The following ABCC4 variants were observed in gnomAD, a reference collection of about 807,000 sequenced individuals.
ABCC4 encodes the protein ATP binding cassette subfamily C member 4 (PEL blood group), also known as ATP-binding cassette sub-family C member 4.
Under a neutral mutation model 168.5 loss-of-function variants are expected in ABCC4, and 102 were observed. The observed-to-expected ratio is 0.61, with a 90% CI of 0.52 to 0.71. The LOEUF (loss-of-function observed/expected upper bound fraction) is 0.71. ABCC4 is among the 30% of genes least tolerant of loss of function. The pLI, the probability that ABCC4 is intolerant of heterozygous loss-of-function variation, is 0.00. For synonymous variants in ABCC4, 617 were observed against 590.7 expected, an observed-to-expected ratio of 1.04 and a Z score of -0.65; for missense variants, 1,402 against 1,605.8, an observed-to-expected ratio of 0.87 and a Z score of 2.17.
At chr13:95,098,774 A>G (rs2034696546) in intron 20 of ABCC4, among the ~76,000 whole-genome samples, 1 of 152,206 alleles carries the variant, frequency 6.6e-6, no homozygotes, top group Non-Finnish European at 1.5e-5. Flanking sequence ...TGAATGGCCA[A>G]TTAGCCTGTA....
chr13:95,085,174 C>T (rs2034217090), intron 20 of ABCC4, among the ~76,000 whole-genome samples: 1 of 152,086 alleles, frequency 6.6e-6, no homozygotes. Flanking sequence ...TGTGGTGGCT[C>T]ACACCTGTAA....
At chr13:95,148,029 AT>A (rs1003048439) in intron 19 of ABCC4, among the ~76,000 whole-genome samples, 1 of 152,048 alleles carries the variant, frequency 6.6e-6, no homozygotes, top group Non-Finnish European at 1.5e-5. Context: ...TCATTTATCT[AT>A]TTTTCTTTGC....
At chr13:95,148,591 AACACACACACACACACACAC>A (rs55998383) in intron 19 of ABCC4, among the ~76,000 whole-genome samples, 44 of 129,706 alleles carry the variant, frequency 3.4e-4, no homozygotes, top group Non-Finnish European at 5.6e-4. Flanking sequence ...TACCCATCAC[AACACACACACACACACACAC>A]ACACACACAC....
intron 21 of ABCC4, among the ~76,000 whole-genome samples, chr13:95,080,071 T>G (rs1221192028): frequency 3.9e-5 from 6 of 152,160 alleles, no homozygotes; most frequent in Admixed American, 1.3e-4. Context: ...TAATCTTACT[T>G]AGCTAATATC....
At chr13:95,143,471 C>A (rs2036386618) in intron 19 of ABCC4, among the ~76,000 whole-genome samples, 1 of 152,166 alleles carries the variant, frequency 6.6e-6, no homozygotes, top group African/African-American at 2.4e-5. Context: ...GTTAACAGGA[C>A]TTCTAATTTG....
intron 1 of ABCC4, among the ~76,000 whole-genome samples, chr13:95,249,982 T>C (rs2040212790): frequency 6.6e-6 from 1 of 152,124 alleles, no homozygotes; most frequent in Non-Finnish European, 1.5e-5. Flanking sequence ...CACAAATCAG[T>C]AAGGACTTAA....
At chr13:95,056,017 G>A (rs1291904833) in intron 26 of ABCC4, among the ~76,000 whole-genome samples, 1 of 152,084 alleles carries the variant, frequency 6.6e-6, no homozygotes, top group Non-Finnish European at 1.5e-5. Context: ...TCTTCCTAGA[G>A]CTTTCATATA....
At chr13:95,123,550 CG>C (rs1324025518) in intron 19 of ABCC4, among the ~76,000 whole-genome samples, 4 of 152,048 alleles carry the variant, frequency 2.6e-5, no homozygotes, top group Non-Finnish European at 2.9e-5. Context: ...TTAGTAGAGA[CG>C]GGGTTTCACC....
chr13:95,251,664 C>T (rs1050005985), intron 1 of ABCC4, among the ~76,000 whole-genome samples: 1 of 152,090 alleles, frequency 6.6e-6, no homozygotes, highest in African/African-American at 2.4e-5. Flanking sequence ...AGGAGGTAAG[C>T]GAGAAGGCAG....
chr13:95,243,403 C>G (rs965630578), intron 3 of ABCC4, among the ~76,000 whole-genome samples: 1 of 152,218 alleles, frequency 6.6e-6, no homozygotes, highest in Non-Finnish European at 1.5e-5. Flanking sequence ...AAACAGGGAA[C>G]TTGACATCCG....
At chr13:95,210,617 C>T in intron 5 of ABCC4, 75 bp downstream of exon 5, 1 of 1,279,658 alleles carries the variant, frequency 7.8e-7, no homozygotes, top group East Asian at 2.3e-5. Flanking sequence ...GAGTGAGCCC[C>T]TGCCTCCAGA....
chr13:95,165,157 G>C (rs973010847), intron 15 of ABCC4, among the ~76,000 whole-genome samples: 6 of 152,120 alleles, frequency 3.9e-5, no homozygotes, highest in African/African-American at 1.4e-4. Context: ...ACAGAAACTT[G>C]TTCCAAAATC....
chr13:95,229,216 A>G (rs995605500), intron 4 of ABCC4, among the ~76,000 whole-genome samples: 6 of 152,204 alleles, frequency 3.9e-5, no homozygotes, highest in Admixed American at 3.3e-4. Context: ...GATACACTAC[A>G]TACATATATT....
At chr13:95,037,864 A>T (rs1593984967) in intron 29 of ABCC4, among the ~76,000 whole-genome samples, 1 of 152,028 alleles carries the variant, frequency 6.6e-6, no homozygotes, top group African/African-American at 2.4e-5. Context: ...AAAGAAGACA[A>T]ATTTTTTGTT....
intron 14 of ABCC4, 111 bp from the exon 15 acceptor site, chr13:95,166,478 G>T: frequency 1.1e-6 from 1 of 910,568 alleles, no homozygotes; most frequent in Non-Finnish European, 1.6e-6. Flanking sequence ...ATTATACTTA[G>T]GTCCGGAATC....
chr13:95,070,662 C>T (rs935599581), intron 25 of ABCC4, among the ~76,000 whole-genome samples: 8 of 152,124 alleles, frequency 5.3e-5, no homozygotes, highest in African/African-American at 1.4e-4. Context: ...GATTTCTGAG[C>T]ACTGATGGGG....
chr13:95,185,545 G>A (rs1380345177), intron 11 of ABCC4, among the ~76,000 whole-genome samples: 1 of 152,168 alleles, frequency 6.6e-6, no homozygotes, highest in East Asian at 1.9e-4. Context: ...CACAAACCTG[G>A]CTGGAAGCCT....
intron 1 of ABCC4, among the ~76,000 whole-genome samples, chr13:95,259,480 G>C (rs565636954): frequency 6.6e-6 from 1 of 152,088 alleles, no homozygotes; most frequent in African/African-American, 2.4e-5. Flanking sequence ...ACTCTTTGTT[G>C]GGGGTGTCGT....
intron 21 of ABCC4, among the ~76,000 whole-genome samples, chr13:95,076,507 GTT>G (rs33911549): frequency 0.024 from 3,362 of 138,242 alleles, 65 homozygotes; most frequent in Non-Finnish European, 0.034. Flanking sequence ...TGTGGTGTAG[GTT>G]TTTTTTTTTT....
Sources: gnomAD v4.1 joint callset for allele counts (sites outside exome capture counted in the v4.1 genomes callset) on GRCh38, gnomAD v4.1.1 for gene constraint, MANE v1.5 for transcripts, NCBI Gene and HGNC (gene_info 2026-07-23, HGNC 2026-07-21) for gene names.